The following ASXL3 variants were observed in gnomAD, a reference collection of about 807,000 sequenced individuals.
ASXL3 encodes ASXL transcriptional regulator 3.
Under a neutral mutation model 170.6 loss-of-function variants are expected in ASXL3, and 34 were observed. The observed-to-expected ratio is 0.20, with a 90% CI of 0.15 to 0.27. The LOEUF is 0.27. Among genes scored for constraint, ASXL3 ranks in the 10% least tolerant of loss-of-function variants. The pLI, the probability that ASXL3 is intolerant of heterozygous loss-of-function variation, is 1.00. For synonymous variants in ASXL3, 1,002 were observed against 989.1 expected (o/e 1.01, Z -0.24); for missense variants, 2,592 against 2,695.3 (o/e 0.96, Z 0.85).
intron 7 of ASXL3, among the ~76,000 whole-genome samples, chr18:33,676,263 A>T (rs2066429360): frequency 6.6e-6 from 1 of 150,616 alleles, no homozygotes; most frequent in Non-Finnish European, 1.5e-5. Flanking sequence ...CAGTCATTCT[A>T]ATTCTGATGG....
At chr18:33,600,495 C>G (rs955379831) in intron 1 of ASXL3, among the ~76,000 whole-genome samples, 6 of 148,432 alleles carry the variant, frequency 4.0e-5, no homozygotes, top group African/African-American at 1.5e-4. Flanking sequence ...GAAGATTTCT[C>G]TGTTTTTTGT....
At chr18:33,624,646 C>T (rs1273898242) in intron 2 of ASXL3, among the ~76,000 whole-genome samples, 1 of 152,058 alleles carries the variant, frequency 6.6e-6, no homozygotes, top group African/African-American at 2.4e-5. Flanking sequence ...AGGGATGTGT[C>T]TTAAAGTCCT....
chr18:33,637,063 G>C (rs2065779176), intron 2 of ASXL3, among the ~76,000 whole-genome samples: 1 of 152,022 alleles, frequency 6.6e-6, no homozygotes, highest in African/African-American at 2.4e-5. Context: ...TCAATTTTAT[G>C]AATTTATACA....
At chr18:33,735,149 A>G (rs2067522633) in intron 10 of ASXL3, among the ~76,000 whole-genome samples, 1 of 152,208 alleles carries the variant, frequency 6.6e-6, no homozygotes, top group Non-Finnish European at 1.5e-5. Flanking sequence ...CCCACATACA[A>G]ACCAATACTT....
Position 33,592,166 on chromosome 18 carries a change from TA to T in ASXL3, c.54+13482del, listed in dbSNP as rs145256731. 3.7e-4 allele frequency among the ~76,000 whole-genome samples: 57 copies of T among 152,276 alleles called. No homozygotes were observed. In the East Asian group the frequency reaches 3.9e-3, roughly 10 times the overall value. The stretch of plus-strand genomic sequence containing the variant: ...AAAGCAAATCTAAGCACATGAAAGG[TA>T]TCATCTAGAGAAATGGGTGATGGGG... On this transcript the variant is annotated intron_variant, in intron 1 of 11. Coordinates refer to ENST00000269197, the MANE Select transcript of ASXL3 (RefSeq NM_030632.3).
chr18:33,745,669 C>T lies in ASXL3; in HGVS notation c.5821C>T (p.Pro1941Ser), dbSNP rs866908090. The change falls in exon 12 of 12, where the codon CCC becomes TCC. Residue 1941 changes from proline to serine, a missense_variant. Transcript: ENST00000269197. ...FYQMPVAARG[P>S]IPTAALLQAS... ...CCAAATGCCTGTGGCTGCCAGGGGC[C>T]CCATTCCTACTGCAGCTCTGTTACA... is the stretch of plus-strand genomic sequence containing the variant. The T allele has an allele frequency of 1.2e-6, 2 of 1,613,924 alleles. No homozygotes were observed. Among genetic ancestry groups the T allele is most frequent in the Non-Finnish European group, 1.7e-6 (2 of 1,179,884 alleles).
intron 4 of ASXL3, chr18:33,649,534 T>C (rs1173903953): frequency 6.6e-6 from 1 of 152,124 alleles, no homozygotes; most frequent in Non-Finnish European, 1.5e-5. Flanking sequence ...TCATCCTGAA[T>C]TTACTAGGAG....
intron 8 of ASXL3, among the ~76,000 whole-genome samples, chr18:33,702,725 C>T (rs573936982): frequency 5.3e-5 from 8 of 152,058 alleles, no homozygotes; most frequent in Admixed American, 2.0e-4. Context: ...ATTACATTTG[C>T]CATTCATAAA....
chr18:33,737,765 G>A (rs1441862663), intron 10 of ASXL3, among the ~76,000 whole-genome samples: 1 of 152,088 alleles, frequency 6.6e-6, no homozygotes, highest in Non-Finnish European at 1.5e-5. Flanking sequence ...TAAGGTGATT[G>A]AGTAATACTT....
At chr18:33,702,083 C>T (rs2066883041) in intron 8 of ASXL3, among the ~76,000 whole-genome samples, 1 of 151,936 alleles carries the variant, frequency 6.6e-6, no homozygotes, top group Admixed American at 6.6e-5. Context: ...ATTGATGTTC[C>T]GTATTTGGTG....
intron 8 of ASXL3, among the ~76,000 whole-genome samples, chr18:33,728,880 A>G (rs528150359): frequency 1.4e-4 from 21 of 152,320 alleles, no homozygotes; most frequent in Admixed American, 1.3e-3. Flanking sequence ...CTTGGCTTCA[A>G]AAATTTGATA....
intron 8 of ASXL3, among the ~76,000 whole-genome samples, chr18:33,695,721 A>G (rs949308779): frequency 6.6e-5 from 10 of 152,230 alleles, no homozygotes; most frequent in Non-Finnish European, 1.0e-4. Flanking sequence ...CCTGAATAAC[A>G]TACTATTCTG....
chr18:33,675,329 A>T (rs1305840237), intron 7 of ASXL3, among the ~76,000 whole-genome samples: 2 of 152,294 alleles, frequency 1.3e-5, no homozygotes, highest in East Asian at 3.9e-4. Flanking sequence ...AGCCAGCCAG[A>T]TAGAGACAGC....
chr18:33,739,026 A>C lies in ASXL3; in HGVS notation c.1622A>C (p.Asp541Ala). Reference protein sequence around the residue: ...TVVIDQLEVCDSLIPSTSSMT... With the variant: ...TVVIDQLEVCASLIPSTSSMT... ...GTTATCGATCAGTTAGAAGTCTGTG[A>C]CTCTCTTATTCCTTCCACTTCATCT... Residue 541 changes from aspartate (D) to alanine (A), a missense_variant, in exon 11 of 12, where the codon GAC becomes GCC. This residue lies in a region of ASXL3 where 2,246 missense variants were observed against 2,219.6 expected (regional missense o/e 1.01). Coordinates refer to ENST00000269197, the MANE Select transcript of ASXL3 (RefSeq NM_030632.3). 1 of 1,613,430 alleles carries C rather than the reference A, an allele frequency of 6.2e-7. No homozygotes were observed. Among genetic ancestry groups the C allele is most frequent in the Non-Finnish European group, 8.5e-7 (1 of 1,179,676 alleles).
intron 2 of ASXL3, among the ~76,000 whole-genome samples, chr18:33,615,379 T>A (rs2065406431): frequency 6.6e-6 from 1 of 152,160 alleles, no homozygotes; most frequent in African/African-American, 2.4e-5. Context: ...TACCATTTTA[T>A]ATGGGCACTG....
At chr18:33,598,543 A>G (rs1286088109) in intron 1 of ASXL3, among the ~76,000 whole-genome samples, 1 of 152,176 alleles carries the variant, frequency 6.6e-6, no homozygotes, top group Non-Finnish European at 1.5e-5. Context: ...GTCTGCCTCT[A>G]CATTTTAACT....
chr18:33,736,406 G>C (rs1224440949), intron 10 of ASXL3, among the ~76,000 whole-genome samples: 1 of 151,818 alleles, frequency 6.6e-6, no homozygotes, highest in East Asian at 1.9e-4. Context: ...CTTTTCTCTT[G>C]ATCTTTTTTA....
intron 1 of ASXL3, among the ~76,000 whole-genome samples, chr18:33,606,448 A>C (rs2065249773): frequency 6.6e-6 from 1 of 152,000 alleles, no homozygotes; most frequent in Non-Finnish European, 1.5e-5. Flanking sequence ...GGCTGTGTGC[A>C]ACACACTGAG....
At chr18:33,610,157 G>A (rs1290992672) in intron 2 of ASXL3, among the ~76,000 whole-genome samples, 1 of 151,926 alleles carries the variant, frequency 6.6e-6, no homozygotes, top group Non-Finnish European at 1.5e-5. Flanking sequence ...GTTTTTAAAT[G>A]TTTTCCAAAT....
Sources: allele counts gnomAD v4.1 joint callset (sites outside exome capture counted in the v4.1 genomes callset), GRCh38; gene constraint gnomAD v4.1.1; regional missense constraint gnomAD v4.1.1; transcripts MANE v1.5; gene names NCBI Gene and HGNC (gene_info 2026-07-23, HGNC 2026-07-21).